The following C1orf21 variants were observed in gnomAD, a reference collection of about 807,000 sequenced individuals.
The protein encoded by C1orf21 is uncharacterized protein C1orf21.
In C1orf21, 3 loss-of-function variants were observed where a neutral mutation model predicts 18.7. The ratio of observed to expected loss-of-function variants is 0.16; its 90% CI spans 0.07 to 0.42. The LOEUF is 0.42. Ranked by LOEUF, C1orf21 falls within the 10% of genes least tolerant of loss-of-function variation. C1orf21 has a pLI of 0.99. For missense variants in C1orf21, 104 were observed against 143.6 expected, an observed-to-expected ratio of 0.72 and a Z score of 1.41; for synonymous variants, 41 against 46.4, an observed-to-expected ratio of 0.88 and a Z score of 0.47.
chr1:184,556,950 C>T (rs972556600), intron 3 of C1orf21, among the ~76,000 whole-genome samples: 11 of 152,234 alleles, frequency 7.2e-5, no homozygotes, highest in African/African-American at 2.4e-4. Flanking sequence ...TTTCCCCTCC[C>T]ACTCTGTTCC....
chr1:184,526,824 C>G (rs919346534), intron 3 of C1orf21, among the ~76,000 whole-genome samples: 2 of 151,940 alleles, frequency 1.3e-5, no homozygotes, highest in African/African-American at 2.4e-5. Context: ...TCATTCACTC[C>G]CTCAACAAGT....
At chr1:184,396,308 A>T (rs771952819) in intron 1 of C1orf21, among the ~76,000 whole-genome samples, 6 of 152,204 alleles carry the variant, frequency 3.9e-5, no homozygotes, top group Non-Finnish European at 8.8e-5. Flanking sequence ...ATGAGTCAGA[A>T]CAAGTGAACT....
At chr1:184,590,838 CT>C in intron 4 of C1orf21, 23 bp downstream of exon 4, 2 of 1,592,032 alleles carry the variant, frequency 1.3e-6, no homozygotes, top group Non-Finnish European at 1.7e-6. Context: ...TTCTGTTTTC[CT>C]TATATAGTCG....
intron 3 of C1orf21, among the ~76,000 whole-genome samples, chr1:184,520,720 CTTTAT>C (rs148886410): frequency 0.46 from 69,529 of 151,458 alleles, 16,534 homozygotes; most frequent in African/African-American, 0.61. Flanking sequence ...AATAATTGTA[CTTTAT>C]TTAATTGTAC....
At chr1:184,579,985 G>A (rs974415991) in intron 3 of C1orf21, among the ~76,000 whole-genome samples, 2 of 152,190 alleles carry the variant, frequency 1.3e-5, no homozygotes, top group Non-Finnish European at 2.9e-5. Context: ...CCTTGTCATG[G>A]TGGAGAAGGA....
chr1:184,458,446 T>C (rs1367942691), intron 1 of C1orf21, among the ~76,000 whole-genome samples: 2 of 152,208 alleles, frequency 1.3e-5, no homozygotes, highest in Non-Finnish European at 1.5e-5. Flanking sequence ...GGGAATTAGA[T>C]AAAAGGACTT....
Position 184,457,927 on chromosome 1 carries a change from G to A in C1orf21, c.-124-19459G>A, listed in dbSNP as rs968987825. 4.6e-5 allele frequency among the ~76,000 whole-genome samples: 7 copies of A among 152,094 alleles called. No homozygotes were observed. In the East Asian group the frequency reaches 5.8e-4, roughly 13 times the overall value. On this transcript the variant is annotated intron_variant, in intron 1 of 5. Coordinates refer to ENST00000235307, the MANE Select transcript of C1orf21 (RefSeq NM_030806.4). ...ATATCTTCAATTAAGTTCCTACTAC[G>A]TGCTTGGCATCATAGCAGTTGCTTT...
chr1:184,510,505 T>C (rs1449427937), intron 3 of C1orf21, among the ~76,000 whole-genome samples: 3 of 152,216 alleles, frequency 2.0e-5, no homozygotes, highest in African/African-American at 7.2e-5. Context: ...CATCAGGACC[T>C]ACTTCATGAA....
chr1:184,426,527 G>C (rs1571352410), intron 1 of C1orf21, among the ~76,000 whole-genome samples: 1 of 152,236 alleles, frequency 6.6e-6, no homozygotes, highest in South Asian at 2.1e-4. Flanking sequence ...TCAGTTCTCT[G>C]AATGCCTGCA....
At chr1:184,388,079 G>A (rs942448725) in intron 1 of C1orf21, among the ~76,000 whole-genome samples, 2 of 152,198 alleles carry the variant, frequency 1.3e-5, no homozygotes, top group Non-Finnish European at 2.9e-5. Context: ...CCTTTGGTCT[G>A]CTGGTTAATG....
At chr1:184,452,410 T>A (rs1419605433) in intron 1 of C1orf21, among the ~76,000 whole-genome samples, 2 of 148,024 alleles carry the variant, frequency 1.4e-5, no homozygotes, top group African/African-American at 4.9e-5. Flanking sequence ...ATAGGTAGGG[T>A]CACAAGTTGG....
At chr1:184,580,933 C>G (rs1320372081) in intron 3 of C1orf21, among the ~76,000 whole-genome samples, 1 of 151,766 alleles carries the variant, frequency 6.6e-6, no homozygotes, top group Non-Finnish European at 1.5e-5. Context: ...TATTTTTTTC[C>G]TCTCTTGAAT....
chr1:184,617,336 C>T (rs67811250), intron 5 of C1orf21, among the ~76,000 whole-genome samples: 11,400 of 152,200 alleles, frequency 0.075, 507 homozygotes, highest in Non-Finnish European at 0.087. Context: ...CCTTTCCTCT[C>T]CACCTGAATA....
intron 1 of C1orf21, among the ~76,000 whole-genome samples, chr1:184,463,315 T>G (rs555684026): frequency 2.9e-4 from 44 of 152,172 alleles, no homozygotes; most frequent in African/African-American, 1.0e-3. Context: ...TTTACTCCTT[T>G]TCTACTAAAT....
At chr1:184,465,861 G>A (rs1657386375) in intron 1 of C1orf21, among the ~76,000 whole-genome samples, 1 of 152,150 alleles carries the variant, frequency 6.6e-6, no homozygotes, top group Non-Finnish European at 1.5e-5. Flanking sequence ...AAATTTTAAT[G>A]TCTCAGACTG....
At chr1:184,456,722 C>G (rs1288320745) in intron 1 of C1orf21, among the ~76,000 whole-genome samples, 2 of 152,118 alleles carry the variant, frequency 1.3e-5, no homozygotes, top group African/African-American at 4.8e-5. Flanking sequence ...TTTCTTGACT[C>G]CATCCGATAG....
At chr1:184,585,935 G>C (rs1659345951) in intron 3 of C1orf21, among the ~76,000 whole-genome samples, 1 of 152,146 alleles carries the variant, frequency 6.6e-6, no homozygotes, top group African/African-American at 2.4e-5. Context: ...ACATGTGCCT[G>C]TGTGTGTCTT....
intron 1 of C1orf21, among the ~76,000 whole-genome samples, chr1:184,456,384 TC>T (rs1657197912): frequency 6.7e-6 from 1 of 149,396 alleles, no homozygotes; most frequent in Non-Finnish European, 1.5e-5. Flanking sequence ...CAGGTTGACA[TC>T]TGATCTCTTT....
chr1:184,456,936 G>GA (rs1458340564), intron 1 of C1orf21, among the ~76,000 whole-genome samples: 1 of 152,012 alleles, frequency 6.6e-6, no homozygotes, highest in Non-Finnish European at 1.5e-5. Flanking sequence ...TATGTTGACC[G>GA]AAAAAAATGA....
Sources: allele counts gnomAD v4.1 joint callset (sites outside exome capture counted in the v4.1 genomes callset), GRCh38; gene constraint gnomAD v4.1.1; transcripts MANE v1.5; gene names NCBI Gene and HGNC (gene_info 2026-07-23, HGNC 2026-07-21).